Variants in OR1J2 observed in about 807,000 individuals in gnomAD.
OR1J2 encodes olfactory receptor family 1 subfamily J member 2.
For synonymous variants in OR1J2, 142 were observed against 99.7 expected, an observed-to-expected ratio of 1.42 and a Z score of -2.52; for missense variants, 304 against 246.1, an observed-to-expected ratio of 1.24 and a Z score of -1.57.
the OR1J2 span, chr9:122,568,011 T>C: frequency 6.2e-7 from 1 of 1,612,792 alleles, no homozygotes. Flanking sequence ...CAGGAGTGAG[T>C]GGAGGTGAGG....
At chr9:122,493,016 T>TA in the OR1J2 span, among the ~76,000 whole-genome samples, 2 of 152,192 alleles carry the variant, frequency 1.3e-5, no homozygotes, top group Non-Finnish European at 2.9e-5. Flanking sequence ...TTTATTGACT[T>TA]ACGTATGTTA....
the OR1J2 span, among the ~76,000 whole-genome samples, chr9:122,488,044 C>T: frequency 6.6e-6 from 1 of 152,142 alleles, no homozygotes; most frequent in East Asian, 1.9e-4. Flanking sequence ...AAACCTAAAG[C>T]CTGGTTTCAT....
chr9:122,477,266 T>C, the OR1J2 span: 3 of 1,614,090 alleles, frequency 1.9e-6, no homozygotes, highest in Non-Finnish European at 2.5e-6. Context: ...GTGACCCCAA[T>C]GTGACCATAA....
At chr9:122,529,760 T>C in the OR1J2 span, among the ~76,000 whole-genome samples, 2 of 96,016 alleles carry the variant, frequency 2.1e-5, no homozygotes. Context: ...TGAGGTCTCT[T>C]TACTTACCTC....
the OR1J2 span, among the ~76,000 whole-genome samples, chr9:122,561,081 T>C: frequency 6.6e-6 from 1 of 152,228 alleles, no homozygotes; most frequent in African/African-American, 2.4e-5. Context: ...CATGATGGTC[T>C]TCAAACTCTG....
At chr9:122,489,021 C>T in the OR1J2 span, among the ~76,000 whole-genome samples, 1 of 146,880 alleles carries the variant, frequency 6.8e-6, no homozygotes, top group East Asian at 2.2e-4. Context: ...CACCCATTGA[C>T]AGGCCCTGGT....
At chr9:122,568,143 T>G in the OR1J2 span, 1 of 1,614,168 alleles carries the variant, frequency 6.2e-7, no homozygotes, top group Non-Finnish European at 8.5e-7. Flanking sequence ...AAGGCAGCTG[T>G]CACTGTTGCC....
chr9:122,537,039 C>G, the OR1J2 span, among the ~76,000 whole-genome samples: 4 of 152,242 alleles, frequency 2.6e-5, no homozygotes, highest in South Asian at 8.3e-4. Flanking sequence ...TCTCAGACAC[C>G]AAGTTGTAGA....
chr9:122,518,831 A>G, the OR1J2 span, among the ~76,000 whole-genome samples: 3 of 152,258 alleles, frequency 2.0e-5, no homozygotes, highest in Non-Finnish European at 4.4e-5. Context: ...TACATAAACA[A>G]TGGAAATTGG....
At chr9:122,546,055 T>C in the OR1J2 span, among the ~76,000 whole-genome samples, 1 of 152,108 alleles carries the variant, frequency 6.6e-6, no homozygotes, top group Non-Finnish European at 1.5e-5. Context: ...ACTTGTCGCT[T>C]ACATTCTCAG....
the OR1J2 span, among the ~76,000 whole-genome samples, chr9:122,488,849 G>GTT: frequency 7.4e-6 from 1 of 134,790 alleles, no homozygotes; most frequent in Non-Finnish European, 1.6e-5. Context: ...GAAAACACAA[G>GTT]TTTCTTTTTT....
rs201738524 is a variant in OR1J2 at position 122,510,900 on chromosome 9, C to A, written c.99C>A (p.Gly33=). ...QQAVFFTLFL[G]MYLTTVLGNL... is the part of the protein sequence containing the mutation. The stretch of plus-strand genomic sequence containing the variant: ...CTGTGTTCTTCACCCTGTTCCTGGG[C>A]ATGTACCTGACCACGGTGCTGGGGA... Residue 33 remains glycine (G), a synonymous_variant, in exon 1 of 1, where the codon GGC becomes GGA. Transcript: ENST00000335302. 1.1e-5 allele frequency: 17 copies of A among 1,611,842 alleles called. No homozygotes were observed. Among genetic ancestry groups the A allele is most frequent in the Non-Finnish European group, 1.4e-5 (16 of 1,178,032 alleles).
the OR1J2 span, among the ~76,000 whole-genome samples, chr9:122,521,651 A>G: frequency 6.6e-6 from 1 of 152,048 alleles, no homozygotes; most frequent in African/African-American, 2.4e-5. Flanking sequence ...TAGAATCTTT[A>G]TTGTTGGTTT....
At chr9:122,567,465 G>A in the OR1J2 span, 1 of 1,055,100 alleles carries the variant, frequency 9.5e-7, no homozygotes, top group Non-Finnish European at 1.4e-6. Context: ...GCTTCCAACA[G>A]CTTTGACTGT....
chr9:122,519,393 A>C, the OR1J2 span: 2 of 1,614,162 alleles, frequency 1.2e-6, no homozygotes, highest in Non-Finnish European at 1.7e-6. Context: ...GTTATTAAGC[A>C]TGCAAACTCA....
At chr9:122,495,956 T>A in the OR1J2 span, among the ~76,000 whole-genome samples, 2 of 152,146 alleles carry the variant, frequency 1.3e-5, no homozygotes, top group African/African-American at 2.4e-5. Flanking sequence ...GTTTTTCCTC[T>A]TCTAGGTTTA....
the OR1J2 span, among the ~76,000 whole-genome samples, chr9:122,457,000 C>A: frequency 2.0e-5 from 3 of 151,996 alleles, no homozygotes; most frequent in Non-Finnish European, 4.4e-5. Flanking sequence ...GACTCAATAA[C>A]AAAAATGTGG....
the OR1J2 span, among the ~76,000 whole-genome samples, chr9:122,498,231 G>C: frequency 6.6e-6 from 1 of 152,028 alleles, no homozygotes; most frequent in African/African-American, 2.4e-5. Flanking sequence ...TTTCCAGGTT[G>C]TTTGTTTGTT....
chr9:122,568,915 A>G, the OR1J2 span, among the ~76,000 whole-genome samples: 4 of 152,152 alleles, frequency 2.6e-5, no homozygotes, highest in Non-Finnish European at 5.9e-5. Flanking sequence ...CATTTTATGA[A>G]CAAAATAAAA....
Sources: gnomAD v4.1 joint callset for allele counts (sites outside exome capture counted in the v4.1 genomes callset) on GRCh38, gnomAD v4.1.1 for gene constraint, MANE v1.5 for transcripts, NCBI Gene and HGNC (gene_info 2026-07-23, HGNC 2026-07-21) for gene names.